Variants in CHST9 observed in about 807,000 individuals in gnomAD.
CHST9 encodes carbohydrate sulfotransferase 9.
A neutral mutation model predicts 44.4 loss-of-function variants in CHST9; 41 were observed. The ratio of observed to expected loss-of-function variants is 0.92; its 90% CI spans 0.72 to 1.20. The LOEUF is 1.20. CHST9 is among the 50% of genes most tolerant of loss of function. The pLI is 0.00. For synonymous variants in CHST9, 171 were observed against 178.4 expected, an observed-to-expected ratio of 0.96 and a Z score of 0.33; for missense variants, 504 against 516.5, an observed-to-expected ratio of 0.98 and a Z score of 0.23.
At chr18:27,052,675 G>A (rs4800783) in intron 2 of CHST9, among the ~76,000 whole-genome samples, 117,345 of 152,044 alleles carry the variant, frequency 0.77, 45,383 homozygotes, top group Non-Finnish European at 0.79. Context: ...TATAGTCCCA[G>A]TTTCTCTAAT....
chr18:27,081,107 G>A (rs2057956361), intron 2 of CHST9, among the ~76,000 whole-genome samples: 1 of 152,268 alleles, frequency 6.6e-6, no homozygotes, highest in Non-Finnish European at 1.5e-5. Flanking sequence ...AGGGACCCTA[G>A]GTGGGGGCAC....
chr18:26,988,632 T>C (rs903406032), intron 4 of CHST9, among the ~76,000 whole-genome samples: 3 of 152,062 alleles, frequency 2.0e-5, no homozygotes, highest in African/African-American at 2.4e-5. Context: ...CAATAAAGAA[T>C]AGAATAGACA....
intron 4 of CHST9, among the ~76,000 whole-genome samples, chr18:26,950,870 A>T (rs570848887): frequency 6.6e-6 from 1 of 152,278 alleles, no homozygotes; most frequent in South Asian, 2.1e-4. Context: ...AATTATTGAA[A>T]CAAAATTTTT....
chr18:27,077,655 AT>A, intron 2 of CHST9, among the ~76,000 whole-genome samples: 1 of 152,292 alleles, frequency 6.6e-6, no homozygotes, highest in East Asian at 1.9e-4. Flanking sequence ...ATCTCTATGA[AT>A]TCTGTATATC....
At chr18:27,024,459 T>C (rs1301317585) in intron 3 of CHST9, among the ~76,000 whole-genome samples, 3 of 152,224 alleles carry the variant, frequency 2.0e-5, no homozygotes, top group Non-Finnish European at 4.4e-5. Flanking sequence ...GTGGGTAGCA[T>C]TGGAAAATGA....
intron 4 of CHST9, among the ~76,000 whole-genome samples, chr18:27,001,844 GC>G (rs2056957162): frequency 6.6e-6 from 1 of 152,116 alleles, no homozygotes; most frequent in Non-Finnish European, 1.5e-5. Flanking sequence ...GTGAGGAATG[GC>G]ATAGAATCAG....
intron 5 of CHST9, chr18:26,933,205 T>A (rs1473566608): frequency 1.3e-5 from 2 of 153,760 alleles, no homozygotes; most frequent in Non-Finnish European, 1.5e-5. Context: ...AAGACCAGAC[T>A]TAGTACATTT....
intron 1 of CHST9, among the ~76,000 whole-genome samples, chr18:27,162,410 T>A (rs2058754833): frequency 6.6e-6 from 1 of 152,142 alleles, no homozygotes; most frequent in Non-Finnish European, 1.5e-5. Flanking sequence ...TGAAAATTCT[T>A]TTCTTTAAGA....
intron 4 of CHST9, among the ~76,000 whole-genome samples, chr18:27,012,674 C>T (rs1176131189): frequency 1.3e-5 from 2 of 152,116 alleles, no homozygotes; most frequent in African/African-American, 4.8e-5. Flanking sequence ...AAGACAAATG[C>T]CTGCAGTTCA....
chr18:26,966,406 C>A (rs1290749880), intron 4 of CHST9, among the ~76,000 whole-genome samples: 1 of 152,190 alleles, frequency 6.6e-6, no homozygotes, highest in Non-Finnish European at 1.5e-5. Context: ...AATATACACT[C>A]ATTTTAAGTT....
intron 4 of CHST9, among the ~76,000 whole-genome samples, chr18:27,023,443 T>C (rs2057248152): frequency 6.6e-6 from 1 of 152,194 alleles, no homozygotes; most frequent in African/African-American, 2.4e-5. Flanking sequence ...GAAAGCAACA[T>C]TGTTTTATTA....
In CHST9 at chr18:27,150,549, C is replaced by T. The variant is rs146107626; in HGVS notation, c.-96-7644G>A. On this transcript the variant is annotated intron_variant, in intron 1 of 5. Coordinates refer to ENST00000618847, the MANE Select transcript of CHST9 (RefSeq NM_031422.6). ...AATTTAAAGTCTAACAGGCTTACTACAGTTTCAGCCCATTTCACCATTTTT... is the reference window on the plus strand; with the variant it reads ...AATTTAAAGTCTAACAGGCTTACTATAGTTTCAGCCCATTTCACCATTTTT... 2.1e-3 allele frequency among the ~76,000 whole-genome samples: 311 copies of T among 151,118 alleles called. 1 individual carries two copies. The highest frequency in any genetic ancestry group is 7.5e-3 in the African/African-American group (302 of 40,466).
At chr18:27,150,394 T>G (rs1038469224) in intron 1 of CHST9, among the ~76,000 whole-genome samples, 4 of 152,182 alleles carry the variant, frequency 2.6e-5, no homozygotes, top group Admixed American at 2.0e-4. Context: ...GCTACCATTC[T>G]TTTACTTCCA....
At chr18:27,012,923 G>A (rs980190045) in intron 4 of CHST9, among the ~76,000 whole-genome samples, 1 of 152,148 alleles carries the variant, frequency 6.6e-6, no homozygotes, top group African/African-American at 2.4e-5. Context: ...TTAATACACT[G>A]TACATAGGAT....
At chr18:27,032,082 G>A (rs189237) in intron 3 of CHST9, among the ~76,000 whole-genome samples, 1 of 150,280 alleles carries the variant, frequency 6.7e-6, no homozygotes, top group Admixed American at 6.6e-5. Context: ...TCGGGCCATA[G>A]AGTTTGTGCT....
At chr18:27,036,062 T>C (rs141437957) in intron 3 of CHST9, among the ~76,000 whole-genome samples, 256 of 152,304 alleles carry the variant, frequency 1.7e-3, no homozygotes, top group African/African-American at 5.3e-3. Context: ...AAATGCTATA[T>C]ATATATCTAT....
intron 2 of CHST9, among the ~76,000 whole-genome samples, chr18:27,138,568 G>A (rs1005307192): frequency 1.3e-5 from 2 of 152,090 alleles, no homozygotes; most frequent in African/African-American, 4.8e-5. Flanking sequence ...CTGAATTGTG[G>A]CTGAGTTTTA....
intron 4 of CHST9, among the ~76,000 whole-genome samples, chr18:26,962,783 T>G (rs1027196476): frequency 5.3e-5 from 8 of 152,004 alleles, no homozygotes; most frequent in Non-Finnish European, 8.8e-5. Flanking sequence ...GGTATTGAGA[T>G]CCAAGGCCGC....
intron 4 of CHST9, among the ~76,000 whole-genome samples, chr18:27,021,299 T>C (rs2143452108): frequency 6.6e-6 from 1 of 152,230 alleles, no homozygotes; most frequent in African/African-American, 2.4e-5. Flanking sequence ...ATCTGGCTGC[T>C]CAGCCCTTTG....
Sources: allele counts gnomAD v4.1 joint callset (sites outside exome capture counted in the v4.1 genomes callset), GRCh38; gene constraint gnomAD v4.1.1; transcripts MANE v1.5; gene names NCBI Gene and HGNC (gene_info 2026-07-23, HGNC 2026-07-21).